The following MTDH variants were observed in gnomAD, a reference collection of about 807,000 sequenced individuals.
MTDH encodes the protein protein LYRIC.
In MTDH, 34 loss-of-function variants were observed where a neutral mutation model predicts 72.7. The observed-to-expected ratio is 0.47, with a 90% CI of 0.36 to 0.62. The LOEUF (loss-of-function observed/expected upper bound fraction) is 0.62. MTDH is among the 20% of genes least tolerant of loss of function. MTDH has a pLI of 0.00. For missense variants in MTDH, 677 were observed against 699.4 expected (o/e 0.97, Z 0.36); for synonymous variants, 266 against 268.9 (o/e 0.99, Z 0.10).
chr8:97,659,151 A>G (rs916359484), intron 1 of MTDH, among the ~76,000 whole-genome samples: 5 of 152,158 alleles, frequency 3.3e-5, no homozygotes, highest in Admixed American at 1.3e-4. Context: ...TCAAAAAAAA[A>G]AAAAATGATG....
chr8:97,653,125 G>GAA (rs553276689), intron 1 of MTDH, among the ~76,000 whole-genome samples: 1 of 95,970 alleles, frequency 1.0e-5, no homozygotes, highest in African/African-American at 3.9e-5. Context: ...CTCAAAAAAA[G>GAA]AAAAAAAAAA....
intron 2 of MTDH, among the ~76,000 whole-genome samples, chr8:97,682,862 T>C (rs1586240197): frequency 6.6e-6 from 1 of 151,914 alleles, no homozygotes; most frequent in Non-Finnish European, 1.5e-5. Context: ...TTTGTCCATA[T>C]GACGGGTGGG....
At chr8:97,705,758 C>T (rs1043822372) in intron 7 of MTDH, among the ~76,000 whole-genome samples, 1 of 152,114 alleles carries the variant, frequency 6.6e-6, no homozygotes, top group African/African-American at 2.4e-5. Context: ...GTAAATGAAA[C>T]CTGACTATAA....
At chr8:97,646,619 G>T (rs976433710) in intron 1 of MTDH, among the ~76,000 whole-genome samples, 1 of 152,152 alleles carries the variant, frequency 6.6e-6, no homozygotes, top group Admixed American at 6.5e-5. Flanking sequence ...TCCGACATGC[G>T]TTATAACACT....
chr8:97,660,983 AT>A, intron 1 of MTDH, 88 bp from the exon 2 acceptor site: 1 of 943,224 alleles, frequency 1.1e-6, no homozygotes, highest in Non-Finnish European at 1.6e-6. Context: ...GTAGGATTTG[AT>A]TGTAGTATAT....
chr8:97,719,196 T>C lies in MTDH; in HGVS notation c.1521+7T>C. On this transcript the variant is annotated splice_region_variant and intron_variant, in intron 10 of 11. Coordinates refer to ENST00000336273, the MANE Select transcript of MTDH (RefSeq NM_178812.4). ...ACTCGTCAAAAATAGCCAGGTAATT[T>C]TTAAGAATAATAAAGTTGCCGGGCG... 5.6e-6 allele frequency: 9 copies of C among 1,609,708 alleles called. No homozygotes were observed. The highest frequency in any genetic ancestry group is 7.6e-6 in the Non-Finnish European group (9 of 1,178,906).
intron 6 of MTDH, among the ~76,000 whole-genome samples, chr8:97,697,396 T>C (rs1207385490): frequency 7.5e-6 from 1 of 134,146 alleles, no homozygotes; most frequent in African/African-American, 2.9e-5. Context: ...TTTTTTTTTT[T>C]TTTTTTTTGA....
chr8:97,678,707 G>A (rs563744882), intron 2 of MTDH, among the ~76,000 whole-genome samples: 3 of 145,790 alleles, frequency 2.1e-5, no homozygotes, highest in South Asian at 2.2e-4. Flanking sequence ...CCAATATTTC[G>A]GGATTACAGG....
chr8:97,710,681 C>A (rs2449540), intron 8 of MTDH, among the ~76,000 whole-genome samples: 1 of 68,906 alleles, frequency 1.5e-5, no homozygotes, highest in African/African-American at 8.3e-5. Context: ...GTGAGACTAT[C>A]TCAAAAAAAA....
In MTDH at chr8:97,729,449, T is replaced by C. The variant is rs928561644; in HGVS notation, c.*4779T>C. On this transcript the variant is annotated 3_prime_UTR_variant, in exon 12 of 12. Coordinates refer to ENST00000336273, the MANE Select transcript of MTDH (RefSeq NM_178812.4). ...TCTATCTGGGTTGTCATGGGCCAAA[T>C]TAACATTTTGAGATTCTGTTAGGAA... Among the ~76,000 whole-genome samples the C allele has an allele frequency of 1.3e-5, 2 of 152,164 alleles. No individual in the cohort carries two copies. Among genetic ancestry groups the C allele is most frequent in the Non-Finnish European group, 2.9e-5 (2 of 68,036 alleles).
rs554724646 is a variant in MTDH at position 97,702,973 on chromosome 8, G to A, written c.1147+3121G>A. ...TGGCAGACTAATGGAAAACTTTAGC[G>A]ATAAGAAATTATAATTGAAGCAAAC... On this transcript the variant is annotated intron_variant, in intron 7 of 11. Coordinates refer to ENST00000336273, the MANE Select transcript of MTDH (RefSeq NM_178812.4). Among the ~76,000 whole-genome samples, 14 of 152,322 alleles carry A rather than the reference G, an allele frequency of 9.2e-5. 1 individual carries two copies. In the South Asian group the frequency reaches 2.7e-3, roughly 29 times the overall value.
chr8:97,667,621 G>C (rs1297120319), intron 2 of MTDH, among the ~76,000 whole-genome samples: 7 of 152,078 alleles, frequency 4.6e-5, no homozygotes, highest in Admixed American at 3.9e-4. Flanking sequence ...AATGAACAAG[G>C]CTATCTTGTC....
rs562674273 is a variant in MTDH at position 97,684,879 on chromosome 8, G to C, written c.484-1789G>C. ...TCAGGAGTTCGAGACCAGCCTGGCT[G>C]ACATGGTGAAATCCCATCTCTATTA... On this transcript the variant is annotated intron_variant, in intron 2 of 11. Transcript: ENST00000336273. Among the ~76,000 whole-genome samples the C allele has an allele frequency of 7.2e-5, 11 of 152,202 alleles. 1 individual carries two copies. The South Asian group carries it at 2.1e-3, about 29-fold the overall frequency.
intron 1 of MTDH, among the ~76,000 whole-genome samples, chr8:97,656,658 A>G (rs1251833460): frequency 6.6e-6 from 1 of 151,550 alleles, no homozygotes; most frequent in East Asian, 1.9e-4. Context: ...AACTCCATTC[A>G]TATGTCCTTG....
chr8:97,651,378 C>T (rs1327655519), intron 1 of MTDH, among the ~76,000 whole-genome samples: 1 of 152,200 alleles, frequency 6.6e-6, no homozygotes, highest in African/African-American at 2.4e-5. Context: ...TGCTCAGCAG[C>T]ACTTCAGCAC....
At chr8:97,660,205 G>C (rs182246260) in intron 1 of MTDH, among the ~76,000 whole-genome samples, 231 of 152,278 alleles carry the variant, frequency 1.5e-3, no homozygotes, top group African/African-American at 4.9e-3. Context: ...AGCCAGATTT[G>C]GGAATCACAC....
chr8:97,671,714 G>A (rs1485563217), intron 2 of MTDH, among the ~76,000 whole-genome samples: 1 of 152,016 alleles, frequency 6.6e-6, no homozygotes, highest in Non-Finnish European at 1.5e-5. Context: ...ATGGTGGTAC[G>A]TGCCTGTAGT....
intron 5 of MTDH, among the ~76,000 whole-genome samples, chr8:97,690,672 G>A (rs1411904109): frequency 6.6e-6 from 1 of 152,126 alleles, no homozygotes; most frequent in Non-Finnish European, 1.5e-5. Flanking sequence ...CTAAGGAAAT[G>A]TCTTCATATT....
intron 1 of MTDH, among the ~76,000 whole-genome samples, chr8:97,649,369 C>T (rs1327157460): frequency 2.6e-5 from 4 of 152,124 alleles, no homozygotes; most frequent in Non-Finnish European, 5.9e-5. Context: ...TTTCTACCCA[C>T]TCGTGTGAGT....
Sources: allele counts gnomAD v4.1 joint callset (sites outside exome capture counted in the v4.1 genomes callset), GRCh38; gene constraint gnomAD v4.1.1; transcripts MANE v1.5; gene names NCBI Gene and HGNC (gene_info 2026-07-23, HGNC 2026-07-21).